CLTCL1: variants seen among roughly 807,000 people sequenced by gnomAD.
CLTCL1 encodes the protein clathrin heavy chain 2.
CLTCL1 carries 159 observed loss-of-function variants against 190.0 expected under a neutral mutation model. The observed-to-expected ratio is 0.84, with a 90% CI of 0.74 to 0.95. The LOEUF (loss-of-function observed/expected upper bound fraction) is 0.95, where lower values mean the gene tolerates loss of function less well. Ranked by LOEUF, CLTCL1 falls within the 40% of genes least tolerant of loss-of-function variation. The probability of loss-of-function intolerance (pLI) is 0.00; values close to 1 mark genes in which losing one functional copy is unlikely to be tolerated. For synonymous variants in CLTCL1, 752 were observed against 769.6 expected (o/e 0.98, Z 0.38); for missense variants, 1,878 against 2,033.4 (o/e 0.92, Z 1.47).
intron 27 of CLTCL1, among the ~76,000 whole-genome samples, chr22:19,189,128 C>G (rs141386821): frequency 0.024 from 3,595 of 152,240 alleles, 143 homozygotes; most frequent in African/African-American, 0.082. Context: ...TGGTCTCGAC[C>G]TCCTGACCTC....
At chr22:19,277,531 CA>C (rs1424320355) in intron 1 of CLTCL1, among the ~76,000 whole-genome samples, 2 of 151,954 alleles carry the variant, frequency 1.3e-5, no homozygotes, top group African/African-American at 4.8e-5. Flanking sequence ...AGCAAAAAAA[CA>C]AAACATTACT....
intron 3 of CLTCL1, chr22:19,250,109 C>A: frequency 4.6e-6 from 1 of 218,096 alleles, no homozygotes. Context: ...CAAAAATTAG[C>A]TGAGCATAGT....
intron 29 of CLTCL1, chr22:19,184,301 A>G: frequency 2.8e-6 from 1 of 354,262 alleles, no homozygotes; most frequent in South Asian, 2.1e-5. Flanking sequence ...CTCCACCTGG[A>G]GTTGGCCATG....
chr22:19,259,558 T>C lies in CLTCL1; in HGVS notation c.251-5331A>G, dbSNP rs557327388. On this transcript the variant is annotated intron_variant, in intron 2 of 32. Coordinates refer to ENST00000427926, the MANE Select transcript of CLTCL1 (RefSeq NM_007098.4). Reference sequence around the variant, plus strand: ...TCAAACTTTTTCATTATTATATTTGTTATACTGCTCTGTGATCAGTGATCT... The same window carrying C: ...TCAAACTTTTTCATTATTATATTTGCTATACTGCTCTGTGATCAGTGATCT... Among the ~76,000 whole-genome samples the C allele has an allele frequency of 9.4e-4, 143 of 152,326 alleles. 1 individual carries two copies. The highest frequency in any genetic ancestry group is 1.9e-3 in the Non-Finnish European group (130 of 68,024).
At position 19,188,168 on chromosome 22, in the gene CLTCL1, C is replaced by T. The variant is rs117672820; in HGVS notation, c.4324-77G>A. On this transcript the variant is annotated intron_variant, in intron 27 of 32. Transcript: ENST00000427926. ...CACTAGGCAGGGGCACAGGTGGGCA[C>T]GTGCGTGCCATCCACTTGAATGGTC... The T allele has an allele frequency of 2.3e-3, 2,940 of 1,304,074 alleles. 79 individuals carry two copies. The East Asian group carries it at 0.061, about 27-fold the overall frequency. The allele number at this position is 1,304,074 out of a possible 1,614,324, so 80.8% of individuals were successfully genotyped here. A position where few individuals can be genotyped will look rare whatever the true frequency, so the allele number is the denominator to read the frequency against.
At chr22:19,200,159 G>A (rs146532208) in intron 23 of CLTCL1, among the ~76,000 whole-genome samples, 54 of 152,252 alleles carry the variant, frequency 3.5e-4, no homozygotes, top group Non-Finnish European at 5.4e-4. Context: ...GAAAAGGAAG[G>A]CTAAAAAATA....
intron 2 of CLTCL1, among the ~76,000 whole-genome samples, chr22:19,262,086 C>A (rs1555975856): frequency 6.6e-6 from 1 of 151,854 alleles, no homozygotes; most frequent in Non-Finnish European, 1.5e-5. Flanking sequence ...AGTGCAGTGG[C>A]GTGATCTTGG....
rs1325837583 is a variant in CLTCL1, at chr22:19,198,222, G to A, written c.3873+1512C>T. Among the ~76,000 whole-genome samples, 1 of 152,106 alleles carries A rather than the reference G, an allele frequency of 6.6e-6. No homozygotes were observed. The highest frequency in any genetic ancestry group is 2.4e-5 in the African/African-American group (1 of 41,396). On this transcript the variant is annotated intron_variant, in intron 24 of 32. Transcript: ENST00000427926. This position sits in a 1 kb window ranked among gnomAD's most constrained non-coding sequence, Gnocchi z 4.1. ...CACATCAGTGCATTAGCATATCAAGGTGGCTGCTCATTCAAAGCACACACC... is the reference window on the plus strand; with the variant it reads ...CACATCAGTGCATTAGCATATCAAGATGGCTGCTCATTCAAAGCACACACC...
At chr22:19,287,215 C>A (rs1271639479) in intron 1 of CLTCL1, among the ~76,000 whole-genome samples, 1 of 152,138 alleles carries the variant, frequency 6.6e-6, no homozygotes, top group East Asian at 1.9e-4. Flanking sequence ...AATGGTAGCT[C>A]CCTGAGCTCA....
chr22:19,289,535 T>C (rs2088031534), intron 1 of CLTCL1, among the ~76,000 whole-genome samples: 1 of 152,124 alleles, frequency 6.6e-6, no homozygotes, highest in Non-Finnish European at 1.5e-5. Flanking sequence ...CTAAAGCAGC[T>C]CTTTCATGAC....
At chr22:19,181,067 G>A in intron 30 of CLTCL1, 1 of 531,864 alleles carries the variant, frequency 1.9e-6, no homozygotes. Context: ...GGGCACTGGG[G>A]CAGTCAGTTG....
intron 17 of CLTCL1, 141 bp from the exon 18 acceptor site, chr22:19,220,148 C>CA (rs1175983908): frequency 1.9e-6 from 2 of 1,030,774 alleles, no homozygotes; most frequent in Non-Finnish European, 2.9e-6. Context: ...TATGCTTTGA[C>CA]ATGGGATGAG....
Position 19,254,064 on chromosome 22 carries a change from G to A in CLTCL1, c.414C>T (p.Pro138=), listed in dbSNP as rs781848176. The A allele has an allele frequency of 1.9e-6, 3 of 1,611,748 alleles. No homozygotes were observed. In the African/African-American group the frequency reaches 4.0e-5, roughly 22 times the overall value. The change falls in exon 3 of 33, where the codon CCC becomes CCT. Residue 138 remains proline, a synonymous_variant. Coordinates refer to ENST00000427926, the MANE Select transcript of CLTCL1 (RefSeq NM_007098.4). The stretch of plus-strand genomic sequence containing the variant: ...TGGTATGTCTATCAAACATCTTCAT[G>A]GGCTGGGAGTCACCTTCCATGCTCC... ...YHWSMEGDSQ[P]MKMFDRHTSL...
chr22:19,180,141 TCAGC>T, intron 32 of CLTCL1, 54 bp downstream of exon 32: 1 of 1,469,334 alleles, frequency 6.8e-7, no homozygotes, highest in Admixed American at 1.7e-5. Flanking sequence ...GAGCGTGGGG[TCAGC>T]CAGAGAACCT....
chr22:19,216,168 T>G lies in CLTCL1; in HGVS notation c.3008A>C (p.Glu1003Ala). 6.2e-7 allele frequency: 1 copy of G among 1,613,972 alleles called. No homozygotes were observed. ...TATCTTCTCCAGCAGTTCAATCAGT[T>G]CATTAGGCAGGTCGGCTGTCATAAA... ...KAFMTADLPN[E>A]LIELLEKIVL... Residue 1003 changes from glutamate to alanine, a missense_variant, in exon 19 of 33, where the codon GAA (glutamate) becomes GCA (alanine). Transcript: ENST00000427926.
intron 1 of CLTCL1, among the ~76,000 whole-genome samples, chr22:19,280,104 T>C (rs1335926185): frequency 6.6e-6 from 1 of 152,182 alleles, no homozygotes; most frequent in Non-Finnish European, 1.5e-5. Context: ...AATCAGAATC[T>C]TAACAGATTT....
At position 19,188,018 on chromosome 22, in the gene CLTCL1, GC is replaced by G. The variant is rs782209018; in HGVS notation, c.4396del (p.Ala1466HisfsTer6). 11 of 1,614,040 alleles carry G rather than the reference GC, an allele frequency of 6.8e-6. No individual in the cohort carries two copies. The Admixed American group carries it at 1.8e-4, about 27-fold the overall frequency. On this transcript the variant is annotated frameshift_variant, in exon 28 of 33. Coordinates refer to ENST00000427926, the MANE Select transcript of CLTCL1 (RefSeq NM_007098.4). LOFTEE classifies it high-confidence loss of function. ...CTCCTCTGTCAGCAGGTGGTTGAGT[GC>G]CTCATTCACACTCTTGTTGTTGTGG... ...QSHNNKSVNE[A>X]LNHLLTEEED...
At position 19,188,148 on chromosome 22, in the gene CLTCL1, G is replaced by C. The variant is rs2084375327; in HGVS notation, c.4324-57C>G. The C allele has an allele frequency of 2.0e-6, 3 of 1,516,372 alleles. No individual in the cohort carries two copies. In the Admixed American group the frequency reaches 5.0e-5, roughly 25 times the overall value. 93.9% of individuals were successfully genotyped at this position (1,516,372 alleles called of 1,614,324 possible). A position where few individuals can be genotyped will look rare whatever the true frequency, so the allele number is the denominator to read the frequency against. ...GGCCAAGCTTGTTATGGGGACACTAGGCAGGGGCACAGGTGGGCACGTGCG... is the reference window on the plus strand; with the variant it reads ...GGCCAAGCTTGTTATGGGGACACTACGCAGGGGCACAGGTGGGCACGTGCG... On this transcript the variant is annotated intron_variant, in intron 27 of 32. Coordinates refer to ENST00000427926, the MANE Select transcript of CLTCL1 (RefSeq NM_007098.4).
intron 23 of CLTCL1, 71 bp downstream of exon 23, chr22:19,201,258 G>A (rs2084870821): frequency 2.7e-6 from 4 of 1,501,610 alleles, no homozygotes; most frequent in Admixed American, 4.1e-5. Context: ...AGAGTACCGA[G>A]CAGAACGCAA....
Sources: allele counts gnomAD v4.1 joint callset (sites outside exome capture counted in the v4.1 genomes callset), GRCh38; gene constraint gnomAD v4.1.1; non-coding constraint Gnocchi (gnomAD v3.1); transcripts MANE v1.5; gene names NCBI Gene and HGNC (gene_info 2026-07-23, HGNC 2026-07-21).